The following CUL4A variants were observed in gnomAD, a reference collection of about 807,000 sequenced individuals.
The protein encoded by CUL4A is cullin-4A.
Under a neutral mutation model 95.5 loss-of-function variants are expected in CUL4A, and 16 were observed. The ratio of observed to expected loss-of-function variants is 0.17; its 90% CI spans 0.11 to 0.25. The LOEUF is 0.25. CUL4A is among the 10% of genes least tolerant of loss of function. The pLI is 1.00. For missense variants in CUL4A, 610 were observed against 937.0 expected (o/e 0.65, Z 4.56); for synonymous variants, 380 against 353.1 (o/e 1.08, Z -0.85).
chr13:113,253,283 G>A (rs1386191125), intron 16 of CUL4A, 88 bp downstream of exon 16: 8 of 577,520 alleles, frequency 1.4e-5, no homozygotes, highest in South Asian at 4.1e-5. Flanking sequence ...TAGCAAAAAA[G>A]GAGTGTTTCA....
At chr13:113,220,935 A>T (rs2139121217) in intron 3 of CUL4A, among the ~76,000 whole-genome samples, 1 of 152,334 alleles carries the variant, frequency 6.6e-6, no homozygotes, top group Admixed American at 6.5e-5. Context: ...GGTTCATTAA[A>T]GGCAAAAGAA....
At chr13:113,245,359 C>T (rs1341530180) in intron 14 of CUL4A, 122 bp downstream of exon 14, 2 of 833,136 alleles carry the variant, frequency 2.4e-6, no homozygotes. Flanking sequence ...GCCAGAAGTT[C>T]AAAACTACCC....
intron 15 of CUL4A, among the ~76,000 whole-genome samples, chr13:113,252,009 G>A (rs979114478): frequency 1.3e-5 from 2 of 152,088 alleles, no homozygotes; most frequent in Admixed American, 6.5e-5. Context: ...CGGAGATCCC[G>A]GGTGCAGTGG....
chr13:113,257,703 G>A (rs1038488150), intron 18 of CUL4A, among the ~76,000 whole-genome samples: 43 of 152,180 alleles, frequency 2.8e-4, no homozygotes, highest in African/African-American at 1.0e-3. Flanking sequence ...AGATTTTGAG[G>A]GGACACATAT....
intron 2 of CUL4A, among the ~76,000 whole-genome samples, chr13:113,218,115 A>G (rs1162687649): frequency 1.3e-5 from 2 of 152,062 alleles, no homozygotes; most frequent in Non-Finnish European, 2.9e-5. Context: ...GCAGGTGCCT[A>G]TAATCCCAGC....
At chr13:113,227,765 C>T (rs967318350) in intron 3 of CUL4A, among the ~76,000 whole-genome samples, 1 of 151,904 alleles carries the variant, frequency 6.6e-6, no homozygotes, top group African/African-American at 2.4e-5. Context: ...ATTAGCTGGG[C>T]GTGGTGGCAC....
intron 2 of CUL4A, among the ~76,000 whole-genome samples, chr13:113,213,795 T>TG (rs1473720311): frequency 2.0e-5 from 3 of 152,224 alleles, no homozygotes; most frequent in Non-Finnish European, 4.4e-5. Flanking sequence ...ACATCGCAAA[T>TG]TCCAGGGGCA....
At chr13:113,209,111 C>T (rs1183007600), upstream of CUL4A, among the ~76,000 whole-genome samples, 1 of 150,690 alleles carries the variant, frequency 6.6e-6, no homozygotes, top group Admixed American at 6.6e-5. Context: ...CGCTCCCGAG[C>T]CTGCAGGAGT....
At chr13:113,242,537 C>G (rs542434453) in intron 10 of CUL4A, among the ~76,000 whole-genome samples, 1 of 152,236 alleles carries the variant, frequency 6.6e-6, no homozygotes, top group Non-Finnish European at 1.5e-5. Flanking sequence ...TGCCTGTAAA[C>G]CCAGCACTTT....
rs79845682 is a variant in CUL4A at position 113,259,853 on chromosome 13, C to T, written c.2032-754C>T. 1.9e-3 allele frequency among the ~76,000 whole-genome samples: 293 copies of T among 152,166 alleles called. 1 individual carries two copies. The highest frequency in any genetic ancestry group is 3.3e-3 in the Non-Finnish European group (224 of 68,004). ...TCTGGGAAGGTACCTTTTACTACAA[C>T]AAGTAAACATGCATAATAAAGTAGG... On this transcript the variant is annotated intron_variant, in intron 18 of 19. Transcript: ENST00000375440.
intron 3 of CUL4A, among the ~76,000 whole-genome samples, chr13:113,225,878 G>A (rs984205681): frequency 6.6e-6 from 1 of 152,190 alleles, no homozygotes; most frequent in African/African-American, 2.4e-5. Flanking sequence ...ACTTCCAGAG[G>A]AACCTGTTAA....
At chr13:113,256,926 G>GTCTTTTTTTTTTTTTT in intron 18 of CUL4A, among the ~76,000 whole-genome samples, 1 of 47,374 alleles carries the variant, frequency 2.1e-5, no homozygotes, top group Non-Finnish European at 3.6e-5. Context: ...TTTTTTTTTC[G>GTCTTTTTTTTTTTTTT]TTTTTTTTTT....
intron 3 of CUL4A, among the ~76,000 whole-genome samples, chr13:113,225,084 T>C (rs1397170472): frequency 6.6e-6 from 1 of 152,220 alleles, no homozygotes; most frequent in Non-Finnish European, 1.5e-5. Flanking sequence ...TTTTCTATGG[T>C]GTAAGCATTT....
chr13:113,226,050 C>T (rs1458517950), intron 3 of CUL4A, among the ~76,000 whole-genome samples: 2 of 152,336 alleles, frequency 1.3e-5, no homozygotes, highest in East Asian at 3.9e-4. Flanking sequence ...GACTCAGACC[C>T]CCCGGGAGCC....
chr13:113,222,960 G>A (rs996889819), intron 3 of CUL4A, among the ~76,000 whole-genome samples: 1 of 152,286 alleles, frequency 6.6e-6, no homozygotes, highest in South Asian at 2.1e-4. Context: ...TCAGGAAGAT[G>A]AGAGGAGAAC....
At chr13:113,244,090 G>T in intron 11 of CUL4A, 1 of 213,196 alleles carries the variant, frequency 4.7e-6, no homozygotes, top group Non-Finnish European at 9.4e-6. Context: ...GCACTCCAGC[G>T]TCCGGGGCAG....
rs779181867 is a variant in CUL4A at position 113,233,918 on chromosome 13, C to G, written c.697C>G (p.Leu233Val). 1.8e-5 allele frequency: 29 copies of G among 1,604,874 alleles called. No homozygotes were observed. Among genetic ancestry groups the G allele is most frequent in the Non-Finnish European group, 2.0e-5 (24 of 1,172,182 alleles). The change falls in exon 7 of 20, where the codon CTG (leucine) becomes GTG (valine). Residue 233 changes from leucine to valine, a missense_variant. By Grantham distance (32) the Leu-to-Val change is conservative. Transcript: ENST00000375440. ...DLQVYKDSFE[L>V]KFLEETNCLY... ...TTAGGTGTATAAAGATTCATTTGAA[C>G]TGAAATTTTTGGAAGAGACTAATTG... is the stretch of plus-strand genomic sequence containing the variant.
chr13:113,213,006 A>G (rs1447172195), intron 2 of CUL4A, among the ~76,000 whole-genome samples: 1 of 152,158 alleles, frequency 6.6e-6, no homozygotes, highest in East Asian at 1.9e-4. Context: ...GAATTTTAGA[A>G]TCGGCCAATT....
chr13:113,258,994 T>A (rs916828855), intron 18 of CUL4A, among the ~76,000 whole-genome samples: 2 of 152,234 alleles, frequency 1.3e-5, no homozygotes, highest in Non-Finnish European at 2.9e-5. Flanking sequence ...GCTGATATCT[T>A]ATAAAGGGGA....
Sources: allele counts gnomAD v4.1 joint callset (sites outside exome capture counted in the v4.1 genomes callset), GRCh38; gene constraint gnomAD v4.1.1; transcripts MANE v1.5; gene names NCBI Gene and HGNC (gene_info 2026-07-23, HGNC 2026-07-21).